The following SBNO1 variants were observed in gnomAD, a reference collection of about 807,000 sequenced individuals.
The protein encoded by SBNO1 is strawberry notch homolog 1.
In SBNO1, 23 loss-of-function variants were observed where a neutral mutation model predicts 173.6. That is an observed-to-expected ratio of 0.13 (90% CI 0.10 to 0.19). The LOEUF is 0.19. Ranked by LOEUF, SBNO1 falls within the 10% of genes least tolerant of loss-of-function variation. The probability of loss-of-function intolerance (pLI) is 1.00; values close to 1 mark genes in which losing one functional copy is unlikely to be tolerated. For missense variants in SBNO1, 1,238 were observed against 1,671.2 expected (o/e 0.74, Z 4.52); for synonymous variants, 632 against 571.5 (o/e 1.11, Z -1.51).
chr12:123,301,802 G>A (rs564300410), intron 30 of SBNO1, among the ~76,000 whole-genome samples: 1 of 152,262 alleles, frequency 6.6e-6, no homozygotes, highest in East Asian at 1.9e-4. Flanking sequence ...GGCTGAGATG[G>A]GAGGAGTTTG....
chr12:123,338,646 A>T (rs1014139729), intron 5 of SBNO1, among the ~76,000 whole-genome samples: 1 of 152,102 alleles, frequency 6.6e-6, no homozygotes, highest in Non-Finnish European at 1.5e-5. Flanking sequence ...GACTGCACCA[A>T]TGCACTCCAG....
In SBNO1 at chr12:123,326,400, TAAATC is replaced by T. The variant is rs1326822400; in HGVS notation, c.1693-71_1693-67del. The stretch of plus-strand genomic sequence containing the variant: ...AGTCTAGTTATTTAAAAATACCAAT[TAAATC>T]AAAACAATGTTAAGTGCAAGACCAT... On this transcript the variant is annotated intron_variant, in intron 13 of 31. Coordinates refer to ENST00000602398, the MANE Select transcript of SBNO1 (RefSeq NM_001167856.3). 9.5e-6 allele frequency: 10 copies of T among 1,054,112 alleles called. No homozygotes were observed. The East Asian group carries it at 1.8e-4, about 19-fold the overall frequency. The allele number at this position is 1,054,112 out of a possible 1,614,324, so 65.3% of individuals were successfully genotyped here.
At position 123,320,787 on chromosome 12, in the gene SBNO1, T is replaced by C. The variant is rs780789815; in HGVS notation, c.2403A>G (p.Gln801=). 6.2e-7 allele frequency: 1 copy of C among 1,609,258 alleles called. No homozygotes were observed. The highest frequency in any genetic ancestry group is 8.5e-7 in the Non-Finnish European group (1 of 1,177,484). Residue 801 remains glutamine, a synonymous_variant, in exon 18 of 32, where the codon CAA becomes CAG. Transcript: ENST00000602398. Reference sequence around the variant, plus strand: ...CAAGACCTGATGCTAATAAGGCACTTTGAATAGAATCTGGATCTATACTTT... The same window carrying C: ...CAAGACCTGATGCTAATAAGGCACTCTGAATAGAATCTGGATCTATACTTT... The part of the protein sequence containing the change: ...KKKSIDPDSI[Q]SALLASGLGS...
intron 5 of SBNO1, among the ~76,000 whole-genome samples, 173 bp downstream of exon 5, chr12:123,340,815 G>A (rs1283115694): frequency 6.6e-6 from 1 of 151,956 alleles, no homozygotes; most frequent in African/African-American, 2.4e-5. Context: ...AACCACCCTG[G>A]TTAGTATCTA....
At chr12:123,363,885 G>GT in intron 1 of SBNO1, 5 of 985,600 alleles carry the variant, frequency 5.1e-6, no homozygotes, top group Non-Finnish European at 6.0e-6. Flanking sequence ...GAAACAATCA[G>GT]AAGGGTTTAG....
chr12:123,315,163 A>G (rs1380671213), intron 23 of SBNO1, among the ~76,000 whole-genome samples: 2 of 152,184 alleles, frequency 1.3e-5, no homozygotes, highest in South Asian at 4.1e-4. Context: ...TTGTTTTCCA[A>G]AAGGAATAAA....
intron 6 of SBNO1, 61 bp from the exon 7 acceptor site, chr12:123,334,274 CATTAT>C (rs1431190140): frequency 1.0e-6 from 1 of 963,336 alleles, no homozygotes; most frequent in Non-Finnish European, 1.5e-6. Flanking sequence ...TTTCCAGTTT[CATTAT>C]AAGATATTTC....
intron 28 of SBNO1, among the ~76,000 whole-genome samples, chr12:123,308,447 G>T (rs748524449): frequency 2.6e-5 from 4 of 152,124 alleles, no homozygotes; most frequent in Non-Finnish European, 5.9e-5. Flanking sequence ...AAGGCGGGCA[G>T]ATCACGAGGT....
rs546828543 is a variant in SBNO1 at position 123,354,749 on chromosome 12, A to G, written c.1-4308T>C. Among the ~76,000 whole-genome samples the G allele has an allele frequency of 2.8e-4, 42 of 152,326 alleles. 2 individuals carry two copies. In the South Asian group the frequency reaches 7.7e-3, roughly 28 times the overall value. On this transcript the variant is annotated intron_variant, in intron 1 of 31. Coordinates refer to ENST00000602398, the MANE Select transcript of SBNO1 (RefSeq NM_001167856.3). ...ATAAATGCTAAATACTGTTAGGTAC[A>G]AGAGAACTGTGTTAGTGTGTCTACA... is the stretch of plus-strand genomic sequence containing the variant.
intron 31 of SBNO1, among the ~76,000 whole-genome samples, chr12:123,297,735 G>C (rs999433779): frequency 6.6e-6 from 1 of 152,124 alleles, no homozygotes; most frequent in African/African-American, 2.4e-5. Context: ...TAGAGAAGGA[G>C]AGCAAGAGCA....
intron 1 of SBNO1, among the ~76,000 whole-genome samples, chr12:123,352,749 T>A (rs1386011996): frequency 1.3e-5 from 2 of 152,156 alleles, no homozygotes; most frequent in Non-Finnish European, 2.9e-5. Flanking sequence ...ATACCCAGAA[T>A]GAAAGAGGGC....
In SBNO1 at chr12:123,295,617, CACAA is replaced by C. The variant is rs575189844; in HGVS notation, c.*287_*290del. 9.1e-4 allele frequency: 291 copies of C among 318,786 alleles called. 1 individual carries two copies. Among genetic ancestry groups the C allele is most frequent in the African/African-American group, 5.6e-3 (269 of 48,316 alleles). 19.7% of individuals were successfully genotyped at this position (318,786 alleles called of 1,614,324 possible). On this transcript the variant is annotated 3_prime_UTR_variant, in exon 32 of 32. Transcript: ENST00000602398. ...TGTGGTCTGTAGCCTTTAACACACT[CACAA>C]ACAGACTGACACACACGCACACACA...
At chr12:123,306,110 A>G (rs1252655787) in intron 28 of SBNO1, among the ~76,000 whole-genome samples, 1 of 152,230 alleles carries the variant, frequency 6.6e-6, no homozygotes, top group African/African-American at 2.4e-5. Context: ...GAATTGAAAC[A>G]TTGTTTATAT....
intron 9 of SBNO1, 98 bp from the exon 10 acceptor site, chr12:123,328,993 C>T: frequency 1.5e-6 from 1 of 656,680 alleles, no homozygotes. Context: ...TCTTGTTAGG[C>T]CCATGACAGG....
chr12:123,306,913 G>GTAC (rs2138905009), intron 28 of SBNO1, among the ~76,000 whole-genome samples: 1 of 149,924 alleles, frequency 6.7e-6, no homozygotes, highest in Admixed American at 6.7e-5. Flanking sequence ...GCAAGGCACA[G>GTAC]TAGCTCACAA....
chr12:123,309,298 G>T lies in SBNO1; in HGVS notation c.3630+12C>A, dbSNP rs1427409228. The T allele has an allele frequency of 6.2e-7, 1 of 1,603,498 alleles. No homozygotes were observed. Among genetic ancestry groups the T allele is most frequent in the South Asian group, 1.1e-5 (1 of 90,826 alleles). ...TTATATATCTGAATAGAATTTAAAG[G>T]AAAAGTCGTACTTGCAATGACAAGT... is the stretch of plus-strand genomic sequence containing the variant. On this transcript the variant is annotated intron_variant, in intron 28 of 31. Transcript: ENST00000602398.
At chr12:123,309,228 G>C in intron 28 of SBNO1, 82 bp downstream of exon 28, 2 of 987,532 alleles carry the variant, frequency 2.0e-6, no homozygotes, top group Non-Finnish European at 3.2e-6. Flanking sequence ...CTGGGAAACA[G>C]GTACAAAGTG....
intron 4 of SBNO1, among the ~76,000 whole-genome samples, chr12:123,343,496 A>G (rs1026167534): frequency 1.3e-5 from 2 of 151,844 alleles, no homozygotes; most frequent in Non-Finnish European, 2.9e-5. Flanking sequence ...ACCATCTCCT[A>G]CAACAAAAAA....
At position 123,309,448 on chromosome 12, in the gene SBNO1, C is replaced by T. The variant is rs572677851; in HGVS notation, c.3537+41G>A. ...TTTAAACTCATTTCTGTAAATGCAT[C>T]TCATGGGAAGACGATACTTCACAAC... On this transcript the variant is annotated intron_variant, in intron 27 of 31. Coordinates refer to ENST00000602398, the MANE Select transcript of SBNO1 (RefSeq NM_001167856.3). 53 of 1,599,916 alleles carry T rather than the reference C, an allele frequency of 3.3e-5. 1 individual carries two copies. The South Asian group carries it at 5.8e-4, about 18-fold the overall frequency.
Sources: allele counts gnomAD v4.1 joint callset (sites outside exome capture counted in the v4.1 genomes callset), GRCh38; gene constraint gnomAD v4.1.1; transcripts MANE v1.5; gene names NCBI Gene and HGNC (gene_info 2026-07-23, HGNC 2026-07-21).